Variants in AFG2A observed in about 807,000 individuals in gnomAD.
AFG2A encodes AAA ATPase AFG2A.
At chr4:123,106,723 C>T in the AFG2A span, among the ~76,000 whole-genome samples, 1 of 152,346 alleles carries the variant, frequency 6.6e-6, no homozygotes, top group African/African-American at 2.4e-5. Flanking sequence ...TGTTGCTTCA[C>T]CAGCTGGAAA....
the AFG2A span, among the ~76,000 whole-genome samples, chr4:123,240,892 T>C: frequency 7.2e-5 from 11 of 151,796 alleles, no homozygotes; most frequent in African/African-American, 2.4e-4. Flanking sequence ...CTAGCAAGAC[T>C]AATAAAGAAG....
At chr4:123,138,253 C>T in the AFG2A span, among the ~76,000 whole-genome samples, 21 of 152,088 alleles carry the variant, frequency 1.4e-4, no homozygotes, top group African/African-American at 4.8e-4. Flanking sequence ...CCCCAGGTAA[C>T]ACAGCTAAGT....
At chr4:123,004,818 G>A in the AFG2A span, among the ~76,000 whole-genome samples, 5 of 152,034 alleles carry the variant, frequency 3.3e-5, no homozygotes, top group Non-Finnish European at 5.9e-5. Flanking sequence ...TCCCTTATAT[G>A]TTCTCCATTG....
At chr4:123,294,484 T>C in the AFG2A span, among the ~76,000 whole-genome samples, 3 of 152,152 alleles carry the variant, frequency 2.0e-5, no homozygotes, top group African/African-American at 7.2e-5. Flanking sequence ...GGATTGTAAT[T>C]TCTAAGTATT....
chr4:123,027,803 T>A, the AFG2A span, among the ~76,000 whole-genome samples: 2 of 152,146 alleles, frequency 1.3e-5, no homozygotes, highest in Non-Finnish European at 1.5e-5. Context: ...GTAGTTTTGC[T>A]AAAAAACAGG....
At chr4:123,252,302 C>CT in the AFG2A span, among the ~76,000 whole-genome samples, 162 of 152,146 alleles carry the variant, frequency 1.1e-3, 2 homozygotes, top group East Asian at 0.025. Flanking sequence ...GTTTGGAACT[C>CT]TAAGTATGAA....
the AFG2A span, among the ~76,000 whole-genome samples, chr4:123,164,576 G>T: frequency 6.6e-6 from 1 of 151,964 alleles, no homozygotes; most frequent in Non-Finnish European, 1.5e-5. Context: ...TCACCATGTT[G>T]GCCAGGCTTT....
chr4:123,169,756 C>A, the AFG2A span, among the ~76,000 whole-genome samples: 2 of 152,174 alleles, frequency 1.3e-5, no homozygotes, highest in African/African-American at 2.4e-5. Flanking sequence ...GCTGGGATTA[C>A]AGTTGTGAGC....
At chr4:123,210,129 T>G in the AFG2A span, among the ~76,000 whole-genome samples, 1 of 152,234 alleles carries the variant, frequency 6.6e-6, no homozygotes. Flanking sequence ...ATATTTATGG[T>G]GTGTATGATG....
chr4:123,303,320 A>G, the AFG2A span, among the ~76,000 whole-genome samples: 1 of 152,236 alleles, frequency 6.6e-6, no homozygotes, highest in Non-Finnish European at 1.5e-5. Flanking sequence ...CAGGAGTTCA[A>G]GACCAGCCTG....
At chr4:123,017,009 G>GC in the AFG2A span, among the ~76,000 whole-genome samples, 1 of 152,158 alleles carries the variant, frequency 6.6e-6, no homozygotes, top group South Asian at 2.1e-4. Flanking sequence ...GCAATCGCAG[G>GC]CCCTCGGCAG....
the AFG2A span, among the ~76,000 whole-genome samples, chr4:123,239,451 T>C: frequency 6.6e-6 from 1 of 152,160 alleles, no homozygotes; most frequent in African/African-American, 2.4e-5. Flanking sequence ...GATTACCCAC[T>C]AACGGAAGCC....
At chr4:123,209,641 G>C in the AFG2A span, among the ~76,000 whole-genome samples, 1 of 147,244 alleles carries the variant, frequency 6.8e-6, no homozygotes, top group African/African-American at 2.5e-5. Flanking sequence ...AGGCTGGAGT[G>C]CAGTGGTGCA....
the AFG2A span, among the ~76,000 whole-genome samples, chr4:123,224,280 A>G: frequency 6.6e-6 from 1 of 152,034 alleles, no homozygotes; most frequent in African/African-American, 2.4e-5. Context: ...TTACATATGT[A>G]TACATGTGCC....
chr4:123,126,951 T>A, the AFG2A span, among the ~76,000 whole-genome samples: 1 of 152,202 alleles, frequency 6.6e-6, no homozygotes, highest in Non-Finnish European at 1.5e-5. Flanking sequence ...CCAAGTGCAG[T>A]GGCCCACACC....
chr4:123,007,540 ATGTG>A, the AFG2A span, among the ~76,000 whole-genome samples: 2 of 108,334 alleles, frequency 1.8e-5, no homozygotes, highest in Non-Finnish European at 4.1e-5. Context: ...ATATATATAT[ATGTG>A]TATGTATGTG....
chr4:123,174,134 T>A, the AFG2A span, among the ~76,000 whole-genome samples: 1 of 152,244 alleles, frequency 6.6e-6, no homozygotes, highest in African/African-American at 2.4e-5. Flanking sequence ...AGTTTCAAGC[T>A]ATATACTTTC....
the AFG2A span, among the ~76,000 whole-genome samples, chr4:123,126,808 C>T: frequency 2.0e-5 from 3 of 152,156 alleles, no homozygotes; most frequent in Non-Finnish European, 4.4e-5. Flanking sequence ...ATAAACTACC[C>T]AGTAGCCTTG....
chr4:123,255,145 TG>T, the AFG2A span, among the ~76,000 whole-genome samples: 1 of 152,100 alleles, frequency 6.6e-6, no homozygotes, highest in Non-Finnish European at 1.5e-5. Context: ...TGTATTTTTT[TG>T]TAGAGATGTC....
Sources: allele counts gnomAD v4.1 joint callset (sites outside exome capture counted in the v4.1 genomes callset), GRCh38; gene constraint gnomAD v4.1.1; transcripts MANE v1.5; gene names NCBI Gene and HGNC (gene_info 2026-07-23, HGNC 2026-07-21).